ZNF681: variants seen among roughly 807,000 people sequenced by gnomAD.
ZNF681 encodes zinc finger protein 681, also known as hypothetical protein FLJ31526.
A neutral mutation model predicts 56.0 loss-of-function variants in ZNF681; 37 were observed. The observed-to-expected ratio is 0.66, with a 90% CI of 0.51 to 0.87. The LOEUF (loss-of-function observed/expected upper bound fraction) is 0.87, where lower values mean the gene tolerates loss of function less well. Ranked by LOEUF, ZNF681 falls within the 40% of genes least tolerant of loss-of-function variation. The probability of loss-of-function intolerance (pLI) is 0.00; values close to 1 mark genes in which losing one functional copy is unlikely to be tolerated. For synonymous variants in ZNF681, 225 were observed against 248.6 expected (o/e 0.91, Z 0.89); for missense variants, 741 against 744.9 (o/e 0.99, Z 0.06).
At chr19:23,747,634 C>T (rs375814256) in intron 3 of ZNF681, among the ~76,000 whole-genome samples, 1,943 of 68,902 alleles carry the variant, frequency 0.028, 48 homozygotes, top group African/African-American at 0.098. Flanking sequence ...AGCAAGACTC[C>T]GTCTCAAAAA....
chr19:23,745,437 C>A (rs903698859), intron 3 of ZNF681, 114 bp from the exon 4 acceptor site: 26 of 815,670 alleles, frequency 3.2e-5, no homozygotes, highest in Non-Finnish European at 4.1e-5. Context: ...TAGCAAAATA[C>A]CAAAGGCCCT....
At chr19:23,750,039 C>G (rs1219964526) in intron 3 of ZNF681, among the ~76,000 whole-genome samples, 4 of 150,648 alleles carry the variant, frequency 2.7e-5, no homozygotes, top group African/African-American at 9.8e-5. Context: ...AATCTCAGCA[C>G]TTTGGGAGGC....
intron 3 of ZNF681, among the ~76,000 whole-genome samples, chr19:23,747,394 C>T (rs1456204184): frequency 6.6e-6 from 1 of 151,876 alleles, no homozygotes; most frequent in East Asian, 1.9e-4. Context: ...AATCCCAGCA[C>T]TTTGGGAGGC....
chr19:23,755,501 C>A lies in ZNF681; in HGVS notation c.54G>T (p.Trp18Cys). The change falls in exon 2 of 4, where the codon TGG becomes TGT. Residue 18 changes from tryptophan to cysteine, a missense_variant. Physicochemically the swap from Trp to Cys is radical, Grantham distance 215. Transcript: ENST00000402377. ...TCTGCTGTATAGTGTCCAGGCATTGCCACTCCTCCAGAGAGAATTCTATGG... is the reference window on the plus strand; with the variant it reads ...TCTGCTGTATAGTGTCCAGGCATTGACACTCCTCCAGAGAGAATTCTATGG... Reference protein sequence around the residue: ...DVAIEFSLEEWQCLDTIQQNL... With the variant: ...DVAIEFSLEECQCLDTIQQNL... The A allele has an allele frequency of 6.3e-7, 1 of 1,599,462 alleles. No individual in the cohort carries two copies. The highest frequency in any genetic ancestry group is 8.5e-7 in the Non-Finnish European group (1 of 1,171,982).
In ZNF681 at chr19:23,740,074, G is replaced by T. The variant is rs1968859171; in HGVS notation, c.*3538C>A. Reference sequence around the variant, plus strand: ...TTTATATTTGCCACACTTTGTGTAAGAATTTAATAAGATTATTCTTTAACA... The same window carrying T: ...TTTATATTTGCCACACTTTGTGTAATAATTTAATAAGATTATTCTTTAACA... On this transcript the variant is annotated 3_prime_UTR_variant, in exon 4 of 4. Transcript: ENST00000402377. The T allele has an allele frequency of 6.6e-6, 1 of 152,096 alleles. No homozygotes were observed. Among genetic ancestry groups the T allele is most frequent in the Admixed American group, 6.6e-5 (1 of 15,262 alleles). 9.4% of individuals were successfully genotyped at this position (152,096 alleles called of 1,614,324 possible).
At chr19:23,749,126 T>A (rs1323833919) in intron 3 of ZNF681, among the ~76,000 whole-genome samples, 2 of 152,070 alleles carry the variant, frequency 1.3e-5, no homozygotes, top group East Asian at 3.9e-4. Context: ...CATCAAAAAA[T>A]GTAACATATA....
intron 1 of ZNF681, among the ~76,000 whole-genome samples, chr19:23,756,269 G>A (rs1969116270): frequency 1.3e-5 from 2 of 151,854 alleles, no homozygotes; most frequent in Non-Finnish European, 2.9e-5. Context: ...AGCTTGCAGT[G>A]AGCTGAGATG....
intron 1 of ZNF681, among the ~76,000 whole-genome samples, chr19:23,756,067 T>A (rs186139203): frequency 1.1e-3 from 165 of 152,254 alleles, no homozygotes; most frequent in Middle Eastern, 3.4e-3. Context: ...TGGCTCAACC[T>A]GTAATCCCAG....
Position 23,758,884 on chromosome 19 carries a change from G to A in ZNF681, c.-135C>T. Reference sequence around the variant, plus strand: ...ACGAGACCCGGAGCTCGGGCTGAAGGGAGAGACAAAGGCCCCGCCAATCCC... The same window carrying A: ...ACGAGACCCGGAGCTCGGGCTGAAGAGAGAGACAAAGGCCCCGCCAATCCC... On this transcript the variant is annotated 5_prime_UTR_variant, in exon 1 of 4. Coordinates refer to ENST00000402377, the MANE Select transcript of ZNF681 (RefSeq NM_138286.3). 2 of 1,288,364 alleles carry A rather than the reference G, an allele frequency of 1.6e-6. No homozygotes were observed. The highest frequency in any genetic ancestry group is 2.2e-6 in the Non-Finnish European group (2 of 917,328). 79.8% of individuals were successfully genotyped at this position (1,288,364 alleles called of 1,614,324 possible).
Position 23,754,855 on chromosome 19 carries a change from C to G in ZNF681, c.194G>C (p.Arg65Thr). 3 of 1,614,092 alleles carry G rather than the reference C, an allele frequency of 1.9e-6. No homozygotes were observed. The highest frequency in any genetic ancestry group is 2.5e-6 in the Non-Finnish European group (3 of 1,180,006). Reference sequence around the variant, plus strand: ...TTCGGCCACCATCCTATGTCTCTTTCTAGTCCAAGGCTCTTTTTCTTGTTC... The same window carrying G: ...TTCGGCCACCATCCTATGTCTCTTTGTAGTCCAAGGCTCTTTTTCTTGTTC... ...CLEQEKEPWT[R>T]KRHRMVAEPP... The change falls in exon 3 of 4, where the codon AGA (arginine) becomes ACA (threonine). Residue 65 changes from arginine (R) to threonine (T), a missense_variant. Arg to Thr is a moderately conservative substitution (Grantham distance 71, BLOSUM62 -1). Transcript: ENST00000402377.
In ZNF681 at chr19:23,745,250, T is replaced by C; in HGVS notation, c.300A>G (p.Pro100=). ...NIKDSFQKVT[P]RRYGKCEHEN... is the part of the protein sequence containing the mutation. ...CATGTTCACATTTTCCATATCTTCT[T>C]GGTGTCACTTTTTGGAAAGAATCTT... The change falls in exon 4 of 4, where the codon CCA becomes CCG. Residue 100 remains proline, a synonymous_variant. Coordinates refer to ENST00000402377, the MANE Select transcript of ZNF681 (RefSeq NM_138286.3). 2 of 1,606,048 alleles carry C rather than the reference T, an allele frequency of 1.2e-6. No individual in the cohort carries two copies. Among genetic ancestry groups the C allele is most frequent in the Non-Finnish European group, 8.5e-7 (1 of 1,178,070 alleles).
intron 3 of ZNF681, among the ~76,000 whole-genome samples, chr19:23,751,474 CAA>C (rs71165893): frequency 1.6e-5 from 2 of 123,020 alleles, no homozygotes; most frequent in African/African-American, 3.1e-5. Flanking sequence ...GACTCCGTCT[CAA>C]AAAAAAAAAA....
chr19:23,747,639 C>CA (rs57974422), intron 3 of ZNF681, among the ~76,000 whole-genome samples: 23 of 96,768 alleles, frequency 2.4e-4, no homozygotes, highest in African/African-American at 4.4e-4. Flanking sequence ...GACTCCGTCT[C>CA]AAAAAAAAAA....
At chr19:23,756,937 C>T (rs1194505332) in intron 1 of ZNF681, among the ~76,000 whole-genome samples, 2 of 151,876 alleles carry the variant, frequency 1.3e-5, no homozygotes, top group Non-Finnish European at 2.9e-5. Flanking sequence ...ATGGCGTGAT[C>T]TCGGGTCACT....
rs773620664 is a variant in ZNF681, at chr19:23,744,590, G to C, written c.960C>G (p.Asn320Lys). ...NEYKECGKAF[N>K]QSSHLTRHKI... ...TATGTCTGGTAAGGTGTGAGGACTG[G>C]TTGAAAGCTTTGCCACATTCCTTAT... Residue 320 changes from asparagine to lysine, a missense_variant, in exon 4 of 4, where the codon AAC becomes AAG. Physicochemically the swap from Asn to Lys is moderately conservative, Grantham distance 94. Coordinates refer to ENST00000402377, the MANE Select transcript of ZNF681 (RefSeq NM_138286.3). The C allele has an allele frequency of 6.2e-7, 1 of 1,613,974 alleles. No homozygotes were observed. Among genetic ancestry groups the C allele is most frequent in the Non-Finnish European group, 8.5e-7 (1 of 1,179,970 alleles).
chr19:23,745,290 G>A lies in ZNF681; in HGVS notation c.260C>T (p.Pro87Leu), dbSNP rs1287197034. ...ICSHFAQDFS[P>L]EQNIKDSFQK... ...GAAAGAATCTTTTATGTTCTGCTCT[G>A]GTGAAAAGTCTTGGGCAAAATGAGA... Residue 87 changes from proline (P) to leucine (L), a missense_variant, in exon 4 of 4, where the codon CCA (proline) becomes CTA (leucine). Coordinates refer to ENST00000402377, the MANE Select transcript of ZNF681 (RefSeq NM_138286.3). 3 of 1,570,230 alleles carry A rather than the reference G, an allele frequency of 1.9e-6. No individual in the cohort carries two copies. The highest frequency in any genetic ancestry group is 1.2e-5 in the South Asian group (1 of 83,122).
chr19:23,758,406 G>GCCA (rs1391036801), intron 1 of ZNF681, among the ~76,000 whole-genome samples: 1 of 152,160 alleles, frequency 6.6e-6, no homozygotes, highest in African/African-American at 2.4e-5. Flanking sequence ...GACTAGGAAC[G>GCCA]CCACGGACCA....
chr19:23,755,387 A>G (rs1449138283), intron 2 of ZNF681, 38 bp downstream of exon 2: 1 of 1,578,310 alleles, frequency 6.3e-7, no homozygotes. Context: ...TGAAACCTTT[A>G]GGGTATAATA....
Position 23,744,033 on chromosome 19 carries a change from T to C in ZNF681, c.1517A>G (p.Tyr506Cys), listed in dbSNP as rs1415287262. The change falls in exon 4 of 4, where the codon TAC becomes TGC. Residue 506 changes from tyrosine (Y) to cysteine (C), a missense_variant. Physicochemically the swap from Tyr to Cys is radical, Grantham distance 194. Coordinates refer to ENST00000402377, the MANE Select transcript of ZNF681 (RefSeq NM_138286.3). ...AGCTTTGCCACATTCTTCACATTTG[T>C]AGGATTTCTCTCCAGTATGAATTCT... ...HKRIHTGEKSYKCEECGKAFY... is the reference protein window; with the variant it reads ...HKRIHTGEKSCKCEECGKAFY... 3 of 1,613,284 alleles carry C rather than the reference T, an allele frequency of 1.9e-6. No individual in the cohort carries two copies. Among genetic ancestry groups the C allele is most frequent in the African/African-American group, 2.7e-5 (2 of 74,998 alleles).
Sources: gnomAD v4.1 joint callset for allele counts (sites outside exome capture counted in the v4.1 genomes callset) on GRCh38, gnomAD v4.1.1 for gene constraint, MANE v1.5 for transcripts, NCBI Gene and HGNC (gene_info 2026-07-23, HGNC 2026-07-21) for gene names.